XYLT1: variants seen among roughly 807,000 people sequenced by gnomAD.
XYLT1 encodes beta-D-xylosyltransferase 1.
In XYLT1, 36 loss-of-function variants were observed where a neutral mutation model predicts 91.3. The ratio of observed to expected loss-of-function variants is 0.39; its 90% CI spans 0.30 to 0.52. The LOEUF is 0.52. XYLT1 is among the 20% of genes least tolerant of loss of function. XYLT1 has a pLI of 0.68. For missense variants in XYLT1, 1,242 were observed against 1,284.5 expected, an observed-to-expected ratio of 0.97 and a Z score of 0.51; for synonymous variants, 588 against 532.0, an observed-to-expected ratio of 1.11 and a Z score of -1.45.
chr16:17,397,901 C>A (rs1464733313), intron 1 of XYLT1, among the ~76,000 whole-genome samples: 1 of 147,856 alleles, frequency 6.8e-6, no homozygotes. Context: ...CGGCTCACTG[C>A]AACCTCTGCC....
chr16:17,135,627 C>T (rs916909041), intron 8 of XYLT1, among the ~76,000 whole-genome samples: 1 of 151,282 alleles, frequency 6.6e-6, no homozygotes, highest in Non-Finnish European at 1.5e-5. Context: ...CTGATAGCAA[C>T]CAAACTCTCA....
At chr16:17,461,602 G>A (rs142482012) in intron 1 of XYLT1, among the ~76,000 whole-genome samples, 27 of 152,290 alleles carry the variant, frequency 1.8e-4, no homozygotes, top group African/African-American at 6.0e-4. Flanking sequence ...ATGAATGGAC[G>A]GATAGATGGA....
At chr16:17,329,598 C>A (rs1274714257) in intron 2 of XYLT1, among the ~76,000 whole-genome samples, 1 of 152,180 alleles carries the variant, frequency 6.6e-6, no homozygotes, top group Non-Finnish European at 1.5e-5. Context: ...ACATCACTAA[C>A]TGCTCTACTG....
At chr16:17,241,018 G>A (rs552144238) in intron 3 of XYLT1, among the ~76,000 whole-genome samples, 1 of 152,204 alleles carries the variant, frequency 6.6e-6, no homozygotes, top group South Asian at 2.1e-4. Context: ...CATGTTTTTG[G>A]AGCCAGAGAA....
intron 2 of XYLT1, among the ~76,000 whole-genome samples, chr16:17,336,049 T>C (rs1161571072): frequency 6.6e-6 from 1 of 152,100 alleles, no homozygotes; most frequent in Non-Finnish European, 1.5e-5. Context: ...CTGGCAAGAC[T>C]TTGTAAAGGA....
intron 11 of XYLT1, among the ~76,000 whole-genome samples, chr16:17,114,053 C>T (rs187083833): frequency 6.6e-6 from 1 of 151,218 alleles, no homozygotes; most frequent in Non-Finnish European, 1.5e-5. Flanking sequence ...GGGTGGTGCA[C>T]CCCAATGCCA....
chr16:17,470,057 AT>A (rs2036961600), intron 1 of XYLT1, among the ~76,000 whole-genome samples: 1 of 152,014 alleles, frequency 6.6e-6, no homozygotes, highest in African/African-American at 2.4e-5. Context: ...GCGGCTGAGG[AT>A]CCGGGGAGAT....
chr16:17,305,245 T>A (rs1203058511), intron 2 of XYLT1, among the ~76,000 whole-genome samples: 1 of 152,118 alleles, frequency 6.6e-6, no homozygotes. Flanking sequence ...AGTTCATGTG[T>A]CCAATGTGAG....
chr16:17,249,104 C>T (rs949835973), intron 3 of XYLT1, among the ~76,000 whole-genome samples: 1 of 152,164 alleles, frequency 6.6e-6, no homozygotes. Context: ...GACGGGGATT[C>T]TATCTGCTTT....
intron 3 of XYLT1, among the ~76,000 whole-genome samples, chr16:17,208,362 T>A (rs2032695841): frequency 6.6e-6 from 1 of 151,810 alleles, no homozygotes; most frequent in African/African-American, 2.4e-5. Flanking sequence ...AAAGTTGTAG[T>A]CCAAGATAAT....
chr16:17,200,455 C>G, intron 4 of XYLT1, 27 bp downstream of exon 4: 1 of 1,601,524 alleles, frequency 6.2e-7, no homozygotes, highest in Non-Finnish European at 8.6e-7. Context: ...GAAAGCCCAG[C>G]AAGGGGTGAT....
At chr16:17,469,019 C>A (rs1174887622) in intron 1 of XYLT1, among the ~76,000 whole-genome samples, 1 of 152,194 alleles carries the variant, frequency 6.6e-6, no homozygotes, top group Admixed American at 6.5e-5. Context: ...CTCCGTCAGG[C>A]AGCTCACGCC....
intron 1 of XYLT1, among the ~76,000 whole-genome samples, chr16:17,433,319 G>A (rs1028824599): frequency 3.9e-5 from 6 of 152,156 alleles, no homozygotes. Context: ...GAAAACTCTA[G>A]TGATATACCT....
intron 3 of XYLT1, among the ~76,000 whole-genome samples, chr16:17,237,752 C>A (rs945905372): frequency 1.3e-5 from 2 of 152,190 alleles, no homozygotes; most frequent in African/African-American, 4.8e-5. Flanking sequence ...CATCTGCTGG[C>A]AAAATGCAGG....
At chr16:17,182,248 A>G (rs1316106751) in intron 5 of XYLT1, among the ~76,000 whole-genome samples, 2 of 152,174 alleles carry the variant, frequency 1.3e-5, no homozygotes, top group African/African-American at 4.8e-5. Flanking sequence ...GGGTTAAACA[A>G]TGGAGATTTA....
intron 2 of XYLT1, 120 bp from the exon 3 acceptor site, chr16:17,259,618 C>A: frequency 8.2e-7 from 1 of 1,212,820 alleles, no homozygotes; most frequent in Non-Finnish European, 1.1e-6. Flanking sequence ...TCACATCCTA[C>A]TTTTGCTACT....
rs1366466698 is a variant in XYLT1 at position 17,104,316 on chromosome 16, T to A, written c.*4379A>T. The A allele has an allele frequency of 1.3e-5, 2 of 152,322 alleles. No individual in the cohort carries two copies. The highest frequency in any genetic ancestry group is 2.9e-5 in the Non-Finnish European group (2 of 68,106). The allele number at this position is 152,322 out of a possible 1,614,324, so 9.4% of individuals were successfully genotyped here. On this transcript the variant is annotated 3_prime_UTR_variant, in exon 12 of 12. Coordinates refer to ENST00000261381, the MANE Select transcript of XYLT1 (RefSeq NM_022166.4). ...CCCACAAGCTGTAGCCCCAGGCAGA[T>A]GTGGACCTCTGCATATCTAAGGGGC... is the stretch of plus-strand genomic sequence containing the variant.
At chr16:17,204,343 A>C (rs1368280724) in intron 3 of XYLT1, among the ~76,000 whole-genome samples, 1 of 152,182 alleles carries the variant, frequency 6.6e-6, no homozygotes, top group Non-Finnish European at 1.5e-5. Context: ...TCAAAGACAA[A>C]TCACTCCAGC....
Position 17,256,620 on chromosome 16 carries a change from A to T in XYLT1, c.913+2368T>A, listed in dbSNP as rs527910587. 1.5e-4 allele frequency among the ~76,000 whole-genome samples: 22 copies of T among 150,540 alleles called. 1 individual carries two copies. In the South Asian group the frequency reaches 4.2e-3, roughly 29 times the overall value. On this transcript the variant is annotated intron_variant, in intron 3 of 11. Coordinates refer to ENST00000261381, the MANE Select transcript of XYLT1 (RefSeq NM_022166.4). ...AGCCGAGATCATGCCACTGCACTCC[A>T]GCATGATGACAGAGTGAGACTCCGT...
Sources: allele counts gnomAD v4.1 joint callset (sites outside exome capture counted in the v4.1 genomes callset), GRCh38; gene constraint gnomAD v4.1.1; transcripts MANE v1.5; gene names NCBI Gene and HGNC (gene_info 2026-07-23, HGNC 2026-07-21).